Variants in ARID1B observed in about 807,000 individuals in gnomAD.
ARID1B encodes AT-rich interactive domain-containing protein 1B.
A neutral mutation model predicts 212.3 loss-of-function variants in ARID1B; 30 were observed. That is an observed-to-expected ratio of 0.14 (90% CI 0.11 to 0.19). The LOEUF (loss-of-function observed/expected upper bound fraction) is 0.19. Among genes scored for constraint, ARID1B ranks in the 10% least tolerant of loss-of-function variants. The probability of loss-of-function intolerance (pLI) is 1.00; values close to 1 mark genes in which losing one functional copy is unlikely to be tolerated. For synonymous variants in ARID1B, 1,402 were observed against 1,301.7 expected (o/e 1.08, Z -1.66); for missense variants, 2,891 against 3,204.0 (o/e 0.90, Z 2.36).
intron 1 of ARID1B, among the ~76,000 whole-genome samples, chr6:156,808,420 C>G (rs1163885029): frequency 6.6e-6 from 1 of 152,174 alleles, no homozygotes; most frequent in East Asian, 1.9e-4. Flanking sequence ...AGGGAGCCTT[C>G]ATTGTGTTCT....
intron 4 of ARID1B, among the ~76,000 whole-genome samples, chr6:157,069,991 T>C (rs1227375881): frequency 1.3e-5 from 2 of 152,182 alleles, no homozygotes; most frequent in East Asian, 3.8e-4. Context: ...AGTAGGTCAG[T>C]TGATATCATA....
chr6:157,116,059 A>T (rs4870508), intron 6 of ARID1B, among the ~76,000 whole-genome samples: 25,798 of 152,202 alleles, frequency 0.17, 3,392 homozygotes, highest in East Asian at 0.68. Context: ...CTTATTTCTT[A>T]ATCTTTATAT....
At chr6:156,992,493 G>GT (rs1189176192) in intron 4 of ARID1B, among the ~76,000 whole-genome samples, 1 of 152,184 alleles carries the variant, frequency 6.6e-6, no homozygotes, top group Non-Finnish European at 1.5e-5. Flanking sequence ...TAAGATATGT[G>GT]TTTTCAGTGT....
rs189230633 is a variant in ARID1B, at chr6:157,199,434, G to T, written c.4479+527G>T. Among the ~76,000 whole-genome samples the T allele has an allele frequency of 5.2e-3, 798 of 152,036 alleles. 4 individuals carry two copies. Among genetic ancestry groups the T allele is most frequent in the Non-Finnish European group, 8.6e-3 (583 of 67,972 alleles). On this transcript the variant is annotated intron_variant, in intron 17 of 19. Transcript: ENST00000636930. ...TTGCAGCTCAGAGATGCTAAGTTAC[G>T]CAGGATCTCCCCCTTACAGTGACCA...
At chr6:157,004,922 T>G (rs1395588904) in intron 4 of ARID1B, among the ~76,000 whole-genome samples, 2 of 130,076 alleles carry the variant, frequency 1.5e-5, no homozygotes, top group East Asian at 2.1e-4. Flanking sequence ...TTTTTTTTTT[T>G]TTTTTTTTTG....
Position 156,958,113 on chromosome 6 carries a change from C to T in ARID1B, c.2247+22537C>T, listed in dbSNP as rs138156066. Reference sequence around the variant, plus strand: ...GCAAACTCAGCTTTGGCTTGTTGTCCACATCCATCCCACTGCACACGGCAG... The same window carrying T: ...GCAAACTCAGCTTTGGCTTGTTGTCTACATCCATCCCACTGCACACGGCAG... On this transcript the variant is annotated intron_variant, in intron 4 of 19. Transcript: ENST00000636930. 6.2e-3 allele frequency among the ~76,000 whole-genome samples: 944 copies of T among 152,296 alleles called. 3 individuals are homozygous for T. Among genetic ancestry groups the T allele is most frequent in the Non-Finnish European group, 9.9e-3 (675 of 68,016 alleles).
At chr6:157,037,931 C>T (rs765407794) in intron 4 of ARID1B, among the ~76,000 whole-genome samples, 1 of 152,072 alleles carries the variant, frequency 6.6e-6, no homozygotes, top group Non-Finnish European at 1.5e-5. Flanking sequence ...TATGGTGTCA[C>T]CCTGAGATAG....
At chr6:156,834,990 T>C (rs1783402029) in intron 2 of ARID1B, among the ~76,000 whole-genome samples, 1 of 152,014 alleles carries the variant, frequency 6.6e-6, no homozygotes, top group Non-Finnish European at 1.5e-5. Context: ...ATCCCAGCAC[T>C]TGGGGAGGCT....
intron 4 of ARID1B, among the ~76,000 whole-genome samples, chr6:156,959,848 T>G (rs1794238512): frequency 6.6e-6 from 1 of 151,916 alleles, no homozygotes; most frequent in Admixed American, 6.6e-5. Context: ...ACCAGGCTGC[T>G]CTCTCTGGTT....
intron 2 of ARID1B, among the ~76,000 whole-genome samples, chr6:156,877,122 T>C (rs1786627231): frequency 6.6e-6 from 1 of 152,230 alleles, no homozygotes; most frequent in African/African-American, 2.4e-5. Context: ...CAACCACTTA[T>C]TATTTATTCT....
At chr6:156,806,312 A>T (rs1781151289) in intron 1 of ARID1B, among the ~76,000 whole-genome samples, 1 of 152,026 alleles carries the variant, frequency 6.6e-6, no homozygotes, top group African/African-American at 2.4e-5. Context: ...TCAAGTTGGG[A>T]CCCCATGCCT....
chr6:157,149,249 A>G, intron 8 of ARID1B: 1 of 376,036 alleles, frequency 2.7e-6, no homozygotes, highest in Non-Finnish European at 5.0e-6. Flanking sequence ...CTGGTTGCAC[A>G]GGGAAGTGTC....
At chr6:156,832,071 C>T (rs1019321028) in intron 2 of ARID1B, among the ~76,000 whole-genome samples, 2 of 152,112 alleles carry the variant, frequency 1.3e-5, no homozygotes, top group African/African-American at 4.8e-5. Context: ...ATGTGTATAA[C>T]ATTTTAAAGA....
chr6:156,945,538 G>A (rs1268947127), intron 4 of ARID1B, among the ~76,000 whole-genome samples: 1 of 151,884 alleles, frequency 6.6e-6, no homozygotes, highest in Non-Finnish European at 1.5e-5. Flanking sequence ...CGTAGGTAGG[G>A]ATCTCCCTGA....
chr6:157,206,276 A>G lies in ARID1B; in HGVS notation c.5504A>G (p.Asp1835Gly), dbSNP rs528688757. Residue 1835 changes from aspartate to glycine, a missense_variant, in exon 20 of 20, where the codon GAT becomes GGT. Asp to Gly is a moderately conservative substitution (Grantham distance 94). Around this residue, in one of 7 missense-constraint regions of ARID1B, gnomAD observed 332 missense variants for 369.2 expected, o/e 0.90. Coordinates refer to ENST00000636930, the MANE Select transcript of ARID1B (RefSeq NM_001374828.1). The surrounding 1 kb of genome is among the most constrained non-coding windows in gnomAD (Gnocchi z 6.8). ...EVGDPSQKALDHNAARKDDSQ... is the reference protein window; with the variant it reads ...EVGDPSQKALGHNAARKDDSQ... ...GGAGACCCCAGCCAAAAAGCACTTG[A>G]TCACAACGCAGCAAGGAAGGATGAC... 1 of 1,614,214 alleles carries G rather than the reference A, an allele frequency of 6.2e-7. No individual in the cohort carries two copies. The highest frequency in any genetic ancestry group is 1.3e-5 in the African/African-American group (1 of 75,058).
chr6:156,874,886 T>C (rs1057503756), intron 2 of ARID1B, among the ~76,000 whole-genome samples: 11 of 152,168 alleles, frequency 7.2e-5, no homozygotes, highest in Non-Finnish European at 1.5e-4. Context: ...TCTTGACTTA[T>C]GGTAATTGGA....
rs1213664017 is a variant in ARID1B, at chr6:156,901,452, C to T, written c.2063C>T (p.Pro688Leu). 1.6e-5 allele frequency: 26 copies of T among 1,614,128 alleles called. No homozygotes were observed. The highest frequency in any genetic ancestry group is 1.6e-4 in the Middle Eastern group (1 of 6,062). The change falls in exon 3 of 20, where the codon CCG becomes CTG. Residue 688 changes from proline (P) to leucine (L), a missense_variant. Physicochemically the swap from Pro to Leu is moderately conservative, Grantham distance 98. Coordinates refer to ENST00000636930, the MANE Select transcript of ARID1B (RefSeq NM_001374828.1). ...QGQQPYYSQQ[P>L]QPPHLPPQAQ... ...CAACAGCCATATTACAGCCAGCAGCCGCAGCCCCCGCACCTCCCACCCCAG... is the reference window on the plus strand; with the variant it reads ...CAACAGCCATATTACAGCCAGCAGCTGCAGCCCCCGCACCTCCCACCCCAG...
At chr6:157,189,805 C>T in intron 14 of ARID1B, 25 bp downstream of exon 14, 1 of 1,611,942 alleles carries the variant, frequency 6.2e-7, no homozygotes. Context: ...CTCTGTGAGG[C>T]ATACAAAGTC....
At chr6:156,988,848 C>G (rs748600437) in intron 4 of ARID1B, among the ~76,000 whole-genome samples, 33 of 152,216 alleles carry the variant, frequency 2.2e-4, no homozygotes, top group Non-Finnish European at 4.3e-4. Context: ...AGTTCCTTAC[C>G]TGTAACCTGG....
Sources: allele counts gnomAD v4.1 joint callset (sites outside exome capture counted in the v4.1 genomes callset), GRCh38; gene constraint gnomAD v4.1.1; regional missense constraint gnomAD v4.1.1; non-coding constraint Gnocchi (gnomAD v3.1); transcripts MANE v1.5; gene names NCBI Gene and HGNC (gene_info 2026-07-23, HGNC 2026-07-21).